Variants in SLC14A2 observed in about 807,000 individuals in gnomAD.
SLC14A2 encodes the protein urea transporter 2.
In SLC14A2, 91 loss-of-function variants were observed where a neutral mutation model predicts 104.6. The ratio of observed to expected loss-of-function variants is 0.87; its 90% CI spans 0.73 to 1.04. The LOEUF (loss-of-function observed/expected upper bound fraction) is 1.04. Ranked by LOEUF, SLC14A2 falls within the 50% of genes least tolerant of loss-of-function variation. The pLI is 0.00. For synonymous variants in SLC14A2, 476 were observed against 466.4 expected, an observed-to-expected ratio of 1.02 and a Z score of -0.27; for missense variants, 1,189 against 1,156.0, an observed-to-expected ratio of 1.03 and a Z score of -0.41.
At chr18:45,181,522 A>AT in the SLC14A2 span, among the ~76,000 whole-genome samples, 1 of 152,222 alleles carries the variant, frequency 6.6e-6, no homozygotes, top group Non-Finnish European at 1.5e-5. Flanking sequence ...AAAGATGGCA[A>AT]GAGGGAATGT....
chr18:45,433,590 G>A (rs2086551760), intron 1 of SLC14A2, among the ~76,000 whole-genome samples: 1 of 152,176 alleles, frequency 6.6e-6, no homozygotes, highest in Non-Finnish European at 1.5e-5. Flanking sequence ...AAAAGATCTA[G>A]AAAACTGGAA....
chr18:45,619,211 C>G (rs1306710581), intron 1 of SLC14A2, among the ~76,000 whole-genome samples: 1 of 152,226 alleles, frequency 6.6e-6, no homozygotes, highest in Non-Finnish European at 1.5e-5. Context: ...CCTGCTTAGC[C>G]AAGTCCTGAC....
At chr18:45,650,872 T>C (rs954188241) in intron 10 of SLC14A2, among the ~76,000 whole-genome samples, 1 of 151,466 alleles carries the variant, frequency 6.6e-6, no homozygotes, top group African/African-American at 2.4e-5. Flanking sequence ...CTTGAGTAGC[T>C]GGCATTACAG....
intron 1 of SLC14A2, among the ~76,000 whole-genome samples, chr18:45,461,030 T>C (rs1342575730): frequency 6.6e-6 from 1 of 152,166 alleles, no homozygotes; most frequent in African/African-American, 2.4e-5. Context: ...TCCCACTCCC[T>C]CACAAAGGCC....
rs192395519 is a variant in SLC14A2 at position 45,326,652 on chromosome 18, C to T, written c.-125+113461C>T. ...ACCATTTTACTAGTGAGCAGGGTTACTGTGTGAAAGGGCAGAGTGCTTGTC... is the reference window on the plus strand; with the variant it reads ...ACCATTTTACTAGTGAGCAGGGTTATTGTGTGAAAGGGCAGAGTGCTTGTC... On this transcript the variant is annotated intron_variant, in intron 1 of 20. Coordinates refer to the SLC14A2 transcript ENST00000586448. Among the ~76,000 whole-genome samples, 263 of 152,276 alleles carry T rather than the reference C, an allele frequency of 1.7e-3. No individual in the cohort carries two copies. The Middle Eastern group carries it at 0.02, about 12-fold the overall frequency.
At chr18:45,678,888 T>C in intron 18 of SLC14A2, 87 bp from the exon 19 acceptor site, 1 of 1,230,092 alleles carries the variant, frequency 8.1e-7, no homozygotes, top group Non-Finnish European at 1.1e-6. Flanking sequence ...TGGCATAAAA[T>C]TGATGGGAAG....
chr18:45,412,462 T>G (rs549416332), intron 1 of SLC14A2, among the ~76,000 whole-genome samples: 1 of 152,202 alleles, frequency 6.6e-6, no homozygotes, highest in South Asian at 2.1e-4. Flanking sequence ...TTGGCTGATA[T>G]TCTTGGCTCA....
At chr18:45,352,066 G>A (rs997568199) in intron 1 of SLC14A2, among the ~76,000 whole-genome samples, 1 of 152,204 alleles carries the variant, frequency 6.6e-6, no homozygotes, top group Non-Finnish European at 1.5e-5. Flanking sequence ...GGACAGGGCT[G>A]TGGTGGGGGC....
At chr18:45,617,837 T>A (rs2045097595) in intron 1 of SLC14A2, among the ~76,000 whole-genome samples, 1 of 152,050 alleles carries the variant, frequency 6.6e-6, no homozygotes, top group Non-Finnish European at 1.5e-5. Context: ...CTCAGCAAGG[T>A]CCTTTCAGAA....
intron 1 of SLC14A2, among the ~76,000 whole-genome samples, chr18:45,313,914 T>G (rs1450121279): frequency 6.6e-6 from 1 of 152,176 alleles, no homozygotes; most frequent in Non-Finnish European, 1.5e-5. Flanking sequence ...TTGTTGAAAA[T>G]CTAAGAGGGA....
At chr18:45,269,296 T>C (rs2084626124) in intron 1 of SLC14A2, among the ~76,000 whole-genome samples, 1 of 151,988 alleles carries the variant, frequency 6.6e-6, no homozygotes, top group African/African-American at 2.4e-5. Flanking sequence ...TTAAAGTGAG[T>C]ATATGCCATG....
intron 1 of SLC14A2, among the ~76,000 whole-genome samples, chr18:45,381,993 A>C (rs189888690): frequency 2.6e-5 from 4 of 152,132 alleles, no homozygotes; most frequent in African/African-American, 9.7e-5. Flanking sequence ...TTTATATAAC[A>C]TTTCCGCTTA....
At chr18:45,482,829 T>C (rs1333363607) in intron 1 of SLC14A2, among the ~76,000 whole-genome samples, 3 of 151,922 alleles carry the variant, frequency 2.0e-5, no homozygotes, top group Non-Finnish European at 2.9e-5. Context: ...CACAAGGGGG[T>C]GGGGATCAAA....
At chr18:45,590,698 G>T (rs2044635091) in intron 2 of SLC14A2, among the ~76,000 whole-genome samples, 1 of 152,188 alleles carries the variant, frequency 6.6e-6, no homozygotes, top group African/African-American at 2.4e-5. Context: ...CCTGAAGTAG[G>T]AATGTCACAC....
At chr18:45,422,563 G>A (rs940860498) in intron 1 of SLC14A2, among the ~76,000 whole-genome samples, 1 of 152,146 alleles carries the variant, frequency 6.6e-6, no homozygotes, top group East Asian at 1.9e-4. Flanking sequence ...AGACGGCTGA[G>A]CCAGGGAGAG....
chr18:45,604,550 A>G (rs1170982436), intron 2 of SLC14A2, among the ~76,000 whole-genome samples: 1 of 152,204 alleles, frequency 6.6e-6, no homozygotes, highest in Non-Finnish European at 1.5e-5. Context: ...TTCTTATGTT[A>G]TATCAGAGGA....
At chr18:45,279,879 A>C (rs2084743953) in intron 1 of SLC14A2, among the ~76,000 whole-genome samples, 1 of 152,140 alleles carries the variant, frequency 6.6e-6, no homozygotes. Context: ...CACTGTTCAC[A>C]TTCTAGGCTG....
chr18:45,645,012 C>T (rs2144566720), intron 10 of SLC14A2, among the ~76,000 whole-genome samples: 1 of 152,284 alleles, frequency 6.6e-6, no homozygotes, highest in South Asian at 2.1e-4. Flanking sequence ...GCTCTCCCTC[C>T]TCTTGCCTCC....
intron 1 of SLC14A2, among the ~76,000 whole-genome samples, chr18:45,242,342 G>T (rs2084326577): frequency 6.6e-6 from 1 of 152,156 alleles, no homozygotes. Context: ...TGCCGTAAAA[G>T]TCAATATAAA....
Sources: allele counts gnomAD v4.1 joint callset (sites outside exome capture counted in the v4.1 genomes callset), GRCh38; gene constraint gnomAD v4.1.1; transcripts MANE v1.5; gene names NCBI Gene and HGNC (gene_info 2026-07-23, HGNC 2026-07-21).